The following SLC61A1 variants were observed in gnomAD, a reference collection of about 807,000 sequenced individuals.
SLC61A1 encodes solute carrier family 61 member 1, also known as major facilitator superfamily domain containing 5.
chr12:53,254,246 G>A, the SLC61A1 span: 1 of 1,558,828 alleles, frequency 6.4e-7, no homozygotes, highest in East Asian at 2.2e-5. Context: ...ATCCGGGATT[G>A]TACAGATCTC....
the SLC61A1 span, chr12:53,253,036 C>T: frequency 6.2e-7 from 1 of 1,614,230 alleles, no homozygotes; most frequent in South Asian, 1.1e-5. Context: ...ATAAACTCTA[C>T]CAGCATTACT....
At chr12:53,252,577 A>G in the SLC61A1 span, 2 of 1,350,136 alleles carry the variant, frequency 1.5e-6, no homozygotes, top group Admixed American at 6.0e-5. Context: ...TTCACAGGCA[A>G]GGATGGGTTG....
chr12:53,251,658 G>C, the SLC61A1 span: 6 of 1,438,270 alleles, frequency 4.2e-6, no homozygotes, highest in Non-Finnish European at 5.5e-6. Flanking sequence ...GCCTTAGTCT[G>C]TCTGCAGCCC....
the SLC61A1 span, chr12:53,252,023 G>GT: frequency 7.0e-7 from 1 of 1,424,948 alleles, no homozygotes; most frequent in Non-Finnish European, 9.3e-7. Flanking sequence ...GGCGTCAGGA[G>GT]TTCCGCGCCC....
At chr12:53,254,000 GCTTGCCTAGGGCTC>G in the SLC61A1 span, 1 of 1,614,176 alleles carries the variant, frequency 6.2e-7, no homozygotes, top group Non-Finnish European at 8.5e-7. Flanking sequence ...GCACTCACTG[GCTTGCCTAGGGCTC>G]CTTGTCCTCC....
At chr12:53,253,833 C>G in the SLC61A1 span, 3 of 1,614,212 alleles carry the variant, frequency 1.9e-6, no homozygotes, top group Non-Finnish European at 2.5e-6. Context: ...ACTTTCTCTA[C>G]CAGCCCAGGC....
At chr12:53,253,401 C>T in the SLC61A1 span, 1 of 1,613,884 alleles carries the variant, frequency 6.2e-7, no homozygotes, top group South Asian at 1.1e-5. Flanking sequence ...GGTGTGGCAG[C>T]TGAGGCTGTA....
the SLC61A1 span, chr12:53,251,673 C>G: frequency 6.8e-7 from 1 of 1,473,630 alleles, no homozygotes; most frequent in Non-Finnish European, 9.0e-7. Context: ...CAGCCCGACT[C>G]CAAGTTCTTT....
chr12:53,253,126 C>T, the SLC61A1 span: 1 of 1,614,258 alleles, frequency 6.2e-7, no homozygotes, highest in Admixed American at 1.7e-5. Flanking sequence ...TGGCCTCCTC[C>T]CTTGTGGATT....
At chr12:53,251,947 C>G in the SLC61A1 span, 1 of 1,536,982 alleles carries the variant, frequency 6.5e-7, no homozygotes. Context: ...GGGATGGCAG[C>G]GAGCGAGGCC....
the SLC61A1 span, chr12:53,251,899 C>A: frequency 6.5e-7 from 1 of 1,537,304 alleles, no homozygotes; most frequent in South Asian, 1.2e-5. Flanking sequence ...TTCAGGGTGG[C>A]CCCTCAGGCA....
At chr12:53,252,134 C>T in the SLC61A1 span, 4 of 1,439,904 alleles carry the variant, frequency 2.8e-6, no homozygotes, top group East Asian at 2.5e-5. Flanking sequence ...GAGGCCTGCC[C>T]GGCTCCCGGA....
At chr12:53,251,665 G>A in the SLC61A1 span, 2 of 1,458,416 alleles carry the variant, frequency 1.4e-6, no homozygotes, top group South Asian at 2.8e-5. Context: ...TCTGTCTGCA[G>A]CCCGACTCCA....
chr12:53,253,016 C>A, the SLC61A1 span: 1 of 1,614,184 alleles, frequency 6.2e-7, no homozygotes, highest in Non-Finnish European at 8.5e-7. Context: ...GCTTCAGGCC[C>A]CCTACCTCTA....
the SLC61A1 span, chr12:53,254,361 C>A: frequency 1.4e-6 from 1 of 703,406 alleles, no homozygotes; most frequent in Non-Finnish European, 2.4e-6. Flanking sequence ...CCAAAAGTTC[C>A]CTCTGTGTTA....
the SLC61A1 span, chr12:53,253,659 A>G: frequency 6.2e-7 from 1 of 1,613,968 alleles, no homozygotes. Flanking sequence ...CCTGTGCTGG[A>G]CCCACACGGG....
At chr12:53,251,881 G>T in the SLC61A1 span, 1 of 1,537,310 alleles carries the variant, frequency 6.5e-7, no homozygotes, top group Non-Finnish European at 8.7e-7. Flanking sequence ...AAGAAAATTG[G>T]CACTTATTTC....
At chr12:53,254,028 A>G in the SLC61A1 span, 1 of 1,614,160 alleles carries the variant, frequency 6.2e-7, no homozygotes, top group South Asian at 1.1e-5. Context: ...GTCCTCCATG[A>G]CAGTGATCGA....
chr12:53,252,648 AGCTTTG>A, the SLC61A1 span, among the ~76,000 whole-genome samples: 1 of 152,136 alleles, frequency 6.6e-6, no homozygotes, highest in African/African-American at 2.4e-5. Context: ...CCTAGGAGAC[AGCTTTG>A]GCGTGGCCAC....
Sources: gnomAD v4.1 joint callset for allele counts (sites outside exome capture counted in the v4.1 genomes callset) on GRCh38, gnomAD v4.1.1 for gene constraint, MANE v1.5 for transcripts, NCBI Gene and HGNC (gene_info 2026-07-23, HGNC 2026-07-21) for gene names.